KANSL1: variants seen among roughly 807,000 people sequenced by gnomAD.
KANSL1 encodes the protein KAT8 regulatory NSL complex subunit 1.
KANSL1 carries 22 observed loss-of-function variants against 103.6 expected under a neutral mutation model. The ratio of observed to expected loss-of-function variants is 0.21; its 90% CI spans 0.15 to 0.30. The LOEUF is 0.30. Among genes scored for constraint, KANSL1 ranks in the 10% least tolerant of loss-of-function variants. The pLI is 1.00. For synonymous variants in KANSL1, 600 were observed against 527.6 expected (o/e 1.14, Z -1.88); for missense variants, 1,337 against 1,399.8 (o/e 0.96, Z 0.72).
rs1441319835 is a variant in KANSL1 at position 46,193,355 on chromosome 17, G to GTGGCGGCGGCAC, written c.-634_-623dup. 6.3e-6 allele frequency: 1 copy of GTGGCGGCGGCAC among 158,966 alleles called. No individual in the cohort carries two copies. The highest frequency in any genetic ancestry group is 2.4e-5 in the African/African-American group (1 of 41,400). The allele number at this position is 158,966 out of a possible 1,614,324, so 9.8% of individuals were successfully genotyped here. A position where few individuals can be genotyped will look rare whatever the true frequency, so the allele number is the denominator to read the frequency against. ...GCCGGCTCGGCGAGCGGTGGCGGCG[G>GTGGCGGCGGCAC]TGGCGGCGGCACTGGGAAAATGGCG... On this transcript the variant is annotated 5_prime_UTR_variant, in exon 1 of 15. Transcript: ENST00000432791.
chr17:46,171,793 G>A lies in KANSL1; in HGVS notation c.351C>T (p.Ser117=). 1.2e-6 allele frequency: 2 copies of A among 1,613,574 alleles called. No homozygotes were observed. The highest frequency in any genetic ancestry group is 1.7e-5 in the Admixed American group (1 of 59,934). Residue 117 remains serine, a synonymous_variant, in exon 2 of 15, where the codon TCC becomes TCT. Coordinates refer to ENST00000432791, the MANE Select transcript of KANSL1 (RefSeq NM_015443.4). The part of the protein sequence containing the change: ...VLKSHPLLSQ[S]YELRAELLGR... ...CCAACAGCTCAGCTCGGAGTTCATAGGACTGAGATAAGAGAGGATGAGATT... is the reference window on the plus strand; with the variant it reads ...CCAACAGCTCAGCTCGGAGTTCATAAGACTGAGATAAGAGAGGATGAGATT...
intron 7 of KANSL1, chr17:46,042,560 T>G (rs1394688398): frequency 1.3e-5 from 2 of 152,324 alleles, no homozygotes; most frequent in Middle Eastern, 3.4e-3. Context: ...TTGAGGCTAC[T>G]CACTGATCCA....
chr17:46,040,778 A>G (rs1439861979), intron 7 of KANSL1: 1 of 152,234 alleles, frequency 6.6e-6, no homozygotes, highest in African/African-American at 2.4e-5. Flanking sequence ...GAATCTTTCA[A>G]TCGACTGACG....
At chr17:46,078,589 G>A (rs2078873267) in intron 4 of KANSL1, among the ~76,000 whole-genome samples, 1 of 152,162 alleles carries the variant, frequency 6.6e-6, no homozygotes, top group Admixed American at 6.5e-5. Context: ...AGTGACTATT[G>A]AATTCTAGAA....
chr17:46,079,886 A>G (rs2078919499), intron 4 of KANSL1, among the ~76,000 whole-genome samples: 1 of 152,136 alleles, frequency 6.6e-6, no homozygotes, highest in South Asian at 2.1e-4. Context: ...CTGAGGTGGG[A>G]GGATCACTTG....
At position 46,031,085 on chromosome 17, in the gene KANSL1, A is replaced by G. The variant is rs1402893449; in HGVS notation, c.*391T>C. The G allele has an allele frequency of 4.7e-6, 1 of 210,652 alleles. No individual in the cohort carries two copies. The highest frequency in any genetic ancestry group is 9.8e-6 in the Non-Finnish European group (1 of 102,364). 13.0% of individuals were successfully genotyped at this position (210,652 alleles called of 1,614,324 possible). A position where few individuals can be genotyped will look rare whatever the true frequency, so the allele number is the denominator to read the frequency against. On this transcript the variant is annotated 3_prime_UTR_variant, in exon 15 of 15. Coordinates refer to ENST00000432791, the MANE Select transcript of KANSL1 (RefSeq NM_015443.4). ...AGTCCAGAGCACCCTGCCCCATTCC[A>G]CCCTAGCTCAAGAAGGCCATGCTAA...
chr17:46,120,375 G>A (rs1267926150), intron 2 of KANSL1, among the ~76,000 whole-genome samples: 1 of 152,072 alleles, frequency 6.6e-6, no homozygotes, highest in Non-Finnish European at 1.5e-5. Context: ...TTTGTTACAG[G>A]GGACTCTTGT....
chr17:46,065,707 A>C (rs2078353494), intron 6 of KANSL1, among the ~76,000 whole-genome samples: 1 of 152,160 alleles, frequency 6.6e-6, no homozygotes, highest in African/African-American at 2.4e-5. Flanking sequence ...GCACAGTACC[A>C]ATTTTACTGG....
At chr17:46,165,714 T>C (rs996897374) in intron 2 of KANSL1, among the ~76,000 whole-genome samples, 2 of 151,376 alleles carry the variant, frequency 1.3e-5, no homozygotes, top group Non-Finnish European at 2.9e-5. Context: ...TTTCACCATG[T>C]TGGCCAGGCT....
intron 10 of KANSL1, 179 bp downstream of exon 10, chr17:46,038,359 G>T: frequency 1.5e-6 from 1 of 652,392 alleles, no homozygotes; most frequent in African/African-American, 1.8e-5. Context: ...ACAACAGAAG[G>T]TCAAGTACCA....
intron 2 of KANSL1, among the ~76,000 whole-genome samples, chr17:46,118,768 C>T (rs773477358): frequency 3.3e-5 from 5 of 152,096 alleles, no homozygotes; most frequent in African/African-American, 7.2e-5. Context: ...GTAGAAAAGC[C>T]GACGGATAAA....
chr17:46,125,002 A>C (rs1192562215), intron 2 of KANSL1, among the ~76,000 whole-genome samples: 1 of 107,350 alleles, frequency 9.3e-6, no homozygotes, highest in Non-Finnish European at 2.2e-5. Context: ...AGGGAAGGAA[A>C]GAAAGGGAAG....
chr17:46,191,067 T>C (rs1420799090), intron 1 of KANSL1, among the ~76,000 whole-genome samples: 6 of 152,250 alleles, frequency 3.9e-5, no homozygotes, highest in African/African-American at 7.2e-5. Context: ...CAAAATGTTT[T>C]TTCAAATTGA....
At position 46,034,187 on chromosome 17, in the gene KANSL1, C is replaced by T. The variant is rs773932947; in HGVS notation, c.2640G>A (p.Leu880=). ...TGGGCGTAAGGATTTCCTTGTATTG[C>T]AGTTTCTCTACGCGAGTTGTTGCAG... ...SVAATTRVEK[L]QYKEILTPSW... is the part of the protein sequence containing the mutation. The change falls in exon 11 of 15, where the codon CTG becomes CTA. Residue 880 remains leucine, a synonymous_variant. Transcript: ENST00000432791. The T allele has an allele frequency of 3.1e-6, 5 of 1,613,922 alleles. No homozygotes were observed. In the Admixed American group the frequency reaches 8.3e-5, roughly 27 times the overall value.
chr17:46,062,359 T>TTC (rs2078207736), intron 6 of KANSL1, among the ~76,000 whole-genome samples: 1 of 139,624 alleles, frequency 7.2e-6, no homozygotes, highest in Admixed American at 7.0e-5. Flanking sequence ...CAACAGCTTT[T>TTC]TTTTTTTTTT....
At chr17:46,119,977 C>A (rs547598189) in intron 2 of KANSL1, 106 of 152,358 alleles carry the variant, frequency 7.0e-4, no homozygotes, top group African/African-American at 2.4e-3. Flanking sequence ...CCTCTTGGAT[C>A]CATTTCTGTG....
chr17:46,067,480 G>A (rs1400827944), intron 5 of KANSL1, 69 bp downstream of exon 5: 2 of 943,780 alleles, frequency 2.1e-6, no homozygotes, highest in Admixed American at 1.8e-5. Flanking sequence ...CCTGGCTAAA[G>A]AGAACTAAGA....
chr17:46,065,872 C>CT (rs1568408550), intron 6 of KANSL1, among the ~76,000 whole-genome samples: 1 of 151,926 alleles, frequency 6.6e-6, no homozygotes, highest in Non-Finnish European at 1.5e-5. Context: ...GTGAAGATTC[C>CT]TTTTTTTCTC....
At chr17:46,168,656 T>C (rs2046129706) in intron 2 of KANSL1, among the ~76,000 whole-genome samples, 1 of 152,224 alleles carries the variant, frequency 6.6e-6, no homozygotes. Flanking sequence ...CGGCCCTAAA[T>C]ACAATTACAA....
Sources: gnomAD v4.1 joint callset for allele counts (sites outside exome capture counted in the v4.1 genomes callset) on GRCh38, gnomAD v4.1.1 for gene constraint, MANE v1.5 for transcripts, NCBI Gene and HGNC (gene_info 2026-07-23, HGNC 2026-07-21) for gene names.